The following NTRK2 variants were observed in gnomAD, a reference collection of about 807,000 sequenced individuals.
NTRK2 encodes the protein BDNF/NT-3 growth factors receptor.
In NTRK2, 13 loss-of-function variants were observed where a neutral mutation model predicts 94.5. The observed-to-expected ratio is 0.14, with a 90% CI of 0.09 to 0.22. The LOEUF (loss-of-function observed/expected upper bound fraction) is 0.22, where lower values mean the gene tolerates loss of function less well. NTRK2 is among the 10% of genes least tolerant of loss of function. The pLI is 1.00. For synonymous variants in NTRK2, 372 were observed against 407.4 expected (o/e 0.91, Z 1.05); for missense variants, 639 against 1,071.2 (o/e 0.60, Z 5.63).
intron 12 of NTRK2, among the ~76,000 whole-genome samples, chr9:84,795,333 C>T (rs543897466): frequency 1.3e-5 from 2 of 152,262 alleles, no homozygotes; most frequent in East Asian, 1.9e-4. Context: ...TAGGCTGTCC[C>T]GTGTACCCCT....
chr9:84,996,494 C>T (rs189451712), intron 17 of NTRK2, among the ~76,000 whole-genome samples: 7 of 152,326 alleles, frequency 4.6e-5, no homozygotes, highest in Admixed American at 4.6e-4. Context: ...TTCCTTCTAT[C>T]GCTATCTCCT....
At chr9:84,819,582 G>C (rs2072651618) in intron 12 of NTRK2, among the ~76,000 whole-genome samples, 1 of 152,220 alleles carries the variant, frequency 6.6e-6, no homozygotes, top group Non-Finnish European at 1.5e-5. Flanking sequence ...TTACATGCAG[G>C]TCTCCTGCTG....
At chr9:84,982,574 C>T (rs1827765534) in intron 17 of NTRK2, among the ~76,000 whole-genome samples, 5 of 152,180 alleles carry the variant, frequency 3.3e-5, no homozygotes, top group Admixed American at 2.6e-4. Context: ...GATCTAAGGT[C>T]CATCTTATCC....
At chr9:84,959,663 A>G (rs983600396) in intron 17 of NTRK2, among the ~76,000 whole-genome samples, 2 of 152,252 alleles carry the variant, frequency 1.3e-5, no homozygotes, top group Admixed American at 1.3e-4. Context: ...CGGGTCCAAA[A>G]TTACTCTAGC....
intron 12 of NTRK2, among the ~76,000 whole-genome samples, chr9:84,845,248 T>TACACACACAC (rs1491253305): frequency 1.1e-5 from 1 of 87,368 alleles, no homozygotes; most frequent in African/African-American, 5.7e-5. Flanking sequence ...AAATGTGGTG[T>TACACACACAC]ATACACACAC....
intron 17 of NTRK2, among the ~76,000 whole-genome samples, chr9:85,009,355 T>C (rs1320415680): frequency 6.6e-6 from 1 of 152,242 alleles, no homozygotes; most frequent in African/African-American, 2.4e-5. Context: ...TGTTTACTTC[T>C]TTCTGCAGTA....
At chr9:84,836,572 T>A (rs931683782) in intron 12 of NTRK2, among the ~76,000 whole-genome samples, 10 of 149,574 alleles carry the variant, frequency 6.7e-5, no homozygotes, top group Admixed American at 5.4e-4. Flanking sequence ...TCTAATGTAA[T>A]GTTATTGTTT....
rs907247659 is a variant in NTRK2, at chr9:84,724,337, T to C, written c.834T>C (p.Ser278=). ...ATCTTGTAGGAGAAGATCAAGATTCTGTCAACCTCACTGTGCATTGTACGT... is the reference window on the plus strand; with the variant it reads ...ATCTTGTAGGAGAAGATCAAGATTCCGTCAACCTCACTGTGCATTGTACGT... ...AENLVGEDQD[S]VNLTVHFAPT... Residue 278 remains serine (S), a synonymous_variant, in exon 8 of 19, where the codon TCT becomes TCC. Coordinates refer to ENST00000277120, the MANE Select transcript of NTRK2 (RefSeq NM_006180.6). The C allele has an allele frequency of 6.2e-7, 1 of 1,614,076 alleles. No homozygotes were observed. Among genetic ancestry groups the C allele is most frequent in the African/African-American group, 1.3e-5 (1 of 74,940 alleles).
intron 12 of NTRK2, among the ~76,000 whole-genome samples, chr9:84,848,456 ATGT>A (rs1216936416): frequency 6.6e-6 from 1 of 152,172 alleles, no homozygotes. Flanking sequence ...GTACCCAATC[ATGT>A]TGTTTCTATT....
At chr9:84,881,028 C>CT (rs2076238910) in intron 14 of NTRK2, among the ~76,000 whole-genome samples, 1 of 152,182 alleles carries the variant, frequency 6.6e-6, no homozygotes, top group Non-Finnish European at 1.5e-5. Context: ...ATGGCCAGCC[C>CT]TTTGGGGTGG....
chr9:84,846,085 A>G (rs1258286009), intron 12 of NTRK2, among the ~76,000 whole-genome samples: 1 of 152,184 alleles, frequency 6.6e-6, no homozygotes, highest in Non-Finnish European at 1.5e-5. Context: ...CTCATTTCAT[A>G]CAAGCCTCCA....
chr9:84,790,950 G>A (rs2068664123), intron 12 of NTRK2, among the ~76,000 whole-genome samples: 1 of 152,210 alleles, frequency 6.6e-6, no homozygotes, highest in South Asian at 2.1e-4. Context: ...CTAGCTGTTT[G>A]CCTTCAAATG....
At chr9:84,761,144 C>T (rs1564208089) in intron 12 of NTRK2, among the ~76,000 whole-genome samples, 1 of 152,144 alleles carries the variant, frequency 6.6e-6, no homozygotes, top group Non-Finnish European at 1.5e-5. Context: ...GGCCTGAGGA[C>T]AAAGAGAATG....
intron 14 of NTRK2, among the ~76,000 whole-genome samples, chr9:84,916,209 A>C (rs902023371): frequency 2.0e-5 from 3 of 151,986 alleles, no homozygotes; most frequent in Non-Finnish European, 4.4e-5. Flanking sequence ...TGTCCTCCCA[A>C]AAGTAGCATC....
chr9:84,907,343 G>A lies in NTRK2; in HGVS notation c.1634-26819G>A, dbSNP rs181743202. On this transcript the variant is annotated intron_variant, in intron 14 of 18. Transcript: ENST00000277120. ...GATAAGTTGCATAGCCATTTCCATAGCAAAGGAATATTTTCAGAAAATGAA... is the reference window on the plus strand; with the variant it reads ...GATAAGTTGCATAGCCATTTCCATAACAAAGGAATATTTTCAGAAAATGAA... 7.0e-3 allele frequency among the ~76,000 whole-genome samples: 1,059 copies of A among 152,286 alleles called. 7 individuals are homozygous for A. Among genetic ancestry groups the A allele is most frequent in the Middle Eastern group, 0.014 (4 of 294 alleles).
intron 12 of NTRK2, among the ~76,000 whole-genome samples, chr9:84,780,448 G>C (rs989428034): frequency 3.3e-5 from 5 of 152,020 alleles, no homozygotes; most frequent in African/African-American, 7.3e-5. Flanking sequence ...TCCACCTCCC[G>C]GACTTCCACA....
intron 12 of NTRK2, among the ~76,000 whole-genome samples, chr9:84,809,650 G>A (rs970660081): frequency 1.3e-5 from 2 of 151,510 alleles, no homozygotes; most frequent in Admixed American, 6.6e-5. Flanking sequence ...GGGAGGCCGA[G>A]GTGGGTAGAT....
intron 14 of NTRK2, among the ~76,000 whole-genome samples, chr9:84,878,736 G>A (rs1018704248): frequency 3.3e-5 from 5 of 151,986 alleles, no homozygotes; most frequent in Non-Finnish European, 5.9e-5. Context: ...CTCAATAACT[G>A]GATTTTTAGC....
At chr9:84,933,916 A>C (rs1270464974) in intron 14 of NTRK2, among the ~76,000 whole-genome samples, 1 of 152,240 alleles carries the variant, frequency 6.6e-6, no homozygotes, top group Non-Finnish European at 1.5e-5. Flanking sequence ...TTTTGCAGTC[A>C]GCAACTAGGT....
Sources: allele counts gnomAD v4.1 joint callset (sites outside exome capture counted in the v4.1 genomes callset), GRCh38; gene constraint gnomAD v4.1.1; transcripts MANE v1.5; gene names NCBI Gene and HGNC (gene_info 2026-07-23, HGNC 2026-07-21).